ESRP1: variants seen among roughly 807,000 people sequenced by gnomAD.
The protein encoded by ESRP1 is RNA-binding motif protein 35A.
In ESRP1, 33 loss-of-function variants were observed where a neutral mutation model predicts 81.7. The ratio of observed to expected loss-of-function variants is 0.40; its 90% CI spans 0.31 to 0.54. ESRP1 has a LOEUF of 0.54. ESRP1 is among the 20% of genes least tolerant of loss of function. ESRP1 has a pLI of 0.41. For synonymous variants in ESRP1, 320 were observed against 303.3 expected (o/e 1.06, Z -0.57); for missense variants, 672 against 833.1 (o/e 0.81, Z 2.38).
chr8:94,678,549 G>T (rs1033218261), intron 13 of ESRP1, among the ~76,000 whole-genome samples, 178 bp downstream of exon 13: 4 of 152,230 alleles, frequency 2.6e-5, no homozygotes, highest in African/African-American at 9.6e-5. Context: ...AAGCAGTATA[G>T]TTTTTAACCA....
chr8:94,659,500 T>C (rs1378993832), intron 4 of ESRP1, among the ~76,000 whole-genome samples: 1 of 152,162 alleles, frequency 6.6e-6, no homozygotes, highest in Non-Finnish European at 1.5e-5. Context: ...AAACACAATA[T>C]TGAAATTAAG....
rs746769438 is a variant in ESRP1, at chr8:94,665,007, G to A, written c.836G>A (p.Arg279Gln). The A allele has an allele frequency of 5.0e-6, 8 of 1,612,902 alleles. No homozygotes were observed. Among genetic ancestry groups the A allele is most frequent in the African/African-American group, 1.3e-5 (1 of 74,536 alleles). ...ALVRFVSEEH[R>Q]DLALQRHKHH... The stretch of plus-strand genomic sequence containing the variant: ...GTTAGGTTTGTAAGTGAGGAGCACC[G>A]AGACCTAGCACTACAGAGGCACAAA... The change falls in exon 8 of 16, where the codon CGA (arginine) becomes CAA (glutamine). Residue 279 changes from arginine (R) to glutamine (Q), a missense_variant. By Grantham distance (43) the Arg-to-Gln change is conservative. Coordinates refer to ENST00000433389, the MANE Select transcript of ESRP1 (RefSeq NM_017697.4).
chr8:94,705,775 A>G, intron 15 of ESRP1, 150 bp from the exon 16 acceptor site: 2 of 679,920 alleles, frequency 2.9e-6, no homozygotes, highest in East Asian at 2.8e-5. Context: ...AATGCCAACT[A>G]TGTCTGTGTG....
At chr8:94,663,381 GAT>G (rs1818855183) in intron 6 of ESRP1, among the ~76,000 whole-genome samples, 1 of 152,244 alleles carries the variant, frequency 6.6e-6, no homozygotes, top group South Asian at 2.1e-4. Context: ...CAGTAGCTGG[GAT>G]TACAGATGTG....
chr8:94,641,631 G>T, intron 1 of ESRP1, 181 bp downstream of exon 1: 1 of 879,458 alleles, frequency 1.1e-6, no homozygotes, highest in Non-Finnish European at 1.7e-6. Context: ...CTGCCTTGGA[G>T]CCATTTCAGT....
chr8:94,651,475 A>G (rs1291986961), intron 4 of ESRP1, among the ~76,000 whole-genome samples: 1 of 152,152 alleles, frequency 6.6e-6, no homozygotes, highest in Non-Finnish European at 1.5e-5. Flanking sequence ...ACCCTGCTAC[A>G]CAGCAGCTTT....
At chr8:94,651,280 G>A (rs931917846) in intron 4 of ESRP1, among the ~76,000 whole-genome samples, 2 of 98,918 alleles carry the variant, frequency 2.0e-5, no homozygotes, top group South Asian at 3.3e-4. Context: ...TCTCACTTTT[G>A]CTCAGGCTGG....
At chr8:94,648,291 A>G (rs1306359591) in intron 4 of ESRP1, among the ~76,000 whole-genome samples, 1 of 152,166 alleles carries the variant, frequency 6.6e-6, no homozygotes, top group African/African-American at 2.4e-5. Flanking sequence ...ATGTTTTAAT[A>G]TTTAATATCG....
chr8:94,642,096 G>C lies in ESRP1; in HGVS notation c.261+12G>C, dbSNP rs745343404. 6.2e-7 allele frequency: 1 copy of C among 1,608,428 alleles called. No individual in the cohort carries two copies. The highest frequency in any genetic ancestry group is 8.5e-7 in the Non-Finnish European group (1 of 1,179,348). Reference sequence around the variant, plus strand: ...AAGCCCTCCGACAGGTGACAACCCCGGGTCACGCCACCCACCCCAGCCTGG... The same window carrying C: ...AAGCCCTCCGACAGGTGACAACCCCCGGTCACGCCACCCACCCCAGCCTGG... On this transcript the variant is annotated intron_variant, in intron 2 of 15. Transcript: ENST00000433389.
chr8:94,689,249 CA>C (rs56220336), intron 13 of ESRP1, among the ~76,000 whole-genome samples: 1,599 of 98,586 alleles, frequency 0.016, 3 homozygotes, highest in African/African-American at 0.025. Context: ...ACTCAGTCTC[CA>C]AAAAAAAAAA....
Position 94,706,704 on chromosome 8 carries a change from A to G in ESRP1, c.*815A>G, listed in dbSNP as rs1489516868. 3 of 152,580 alleles carry G rather than the reference A, an allele frequency of 2.0e-5. 1 individual carries two copies. Among genetic ancestry groups the G allele is most frequent in the South Asian group, 4.1e-4 (2 of 4,834 alleles). The allele number at this position is 152,580 out of a possible 1,614,324, so 9.5% of individuals were successfully genotyped here. On this transcript the variant is annotated 3_prime_UTR_variant, in exon 16 of 16. Coordinates refer to ENST00000433389, the MANE Select transcript of ESRP1 (RefSeq NM_017697.4). The stretch of plus-strand genomic sequence containing the variant: ...CTTCATATGTATTATTTTATATTGT[A>G]CTTTTTTCATTATTGATGGTTTGGA...
intron 13 of ESRP1, among the ~76,000 whole-genome samples, chr8:94,689,811 C>CTTTTTTTTTTTTTGTT (rs1809305437): frequency 1.5e-5 from 1 of 64,680 alleles, no homozygotes; most frequent in Non-Finnish European, 3.0e-5. Context: ...TGATGCCTGG[C>CTTTTTTTTTTTTTGTT]TTTTTTTTTT....
chr8:94,682,847 AATAT>A (rs1340891023), intron 13 of ESRP1, among the ~76,000 whole-genome samples: 4 of 139,410 alleles, frequency 2.9e-5, no homozygotes, highest in African/African-American at 1.1e-4. Context: ...CTAATGAATG[AATAT>A]ATATATGTGT....
chr8:94,674,599 T>C (rs1819499309), intron 12 of ESRP1, 93 bp downstream of exon 12: 5 of 1,127,960 alleles, frequency 4.4e-6, no homozygotes, highest in Non-Finnish European at 6.2e-6. Flanking sequence ...TGGTTCTTTC[T>C]GAGGCAGGTG....
chr8:94,702,890 C>A (rs1266709605), intron 15 of ESRP1, among the ~76,000 whole-genome samples: 1 of 152,130 alleles, frequency 6.6e-6, no homozygotes, highest in African/African-American at 2.4e-5. Context: ...TAGGTTCATT[C>A]TGTAGCATAT....
chr8:94,642,095 C>T lies in ESRP1; in HGVS notation c.261+11C>T, dbSNP rs778307753. The stretch of plus-strand genomic sequence containing the variant: ...CAAGCCCTCCGACAGGTGACAACCC[C>T]GGGTCACGCCACCCACCCCAGCCTG... On this transcript the variant is annotated intron_variant, in intron 2 of 15. Transcript: ENST00000433389. The T allele has an allele frequency of 5.6e-6, 9 of 1,608,278 alleles. No homozygotes were observed. The highest frequency in any genetic ancestry group is 7.6e-6 in the Non-Finnish European group (9 of 1,179,240).
intron 13 of ESRP1, among the ~76,000 whole-genome samples, chr8:94,679,450 T>G (rs781501062): frequency 2.0e-4 from 31 of 152,300 alleles, no homozygotes; most frequent in Admixed American, 8.5e-4. Context: ...ATGGAATCCT[T>G]GGTGTCTCTG....
At chr8:94,646,078 T>C in intron 3 of ESRP1, 90 bp from the exon 4 acceptor site, 1 of 652,682 alleles carries the variant, frequency 1.5e-6, no homozygotes, top group Non-Finnish European at 2.6e-6. Flanking sequence ...TTGTAAAATA[T>C]GCTTATATTC....
At chr8:94,700,061 C>A (rs551805025) in intron 15 of ESRP1, among the ~76,000 whole-genome samples, 1 of 152,094 alleles carries the variant, frequency 6.6e-6, no homozygotes, top group Non-Finnish European at 1.5e-5. Context: ...GAAATGAAAC[C>A]CAGAGAGGTT....
Sources: gnomAD v4.1 joint callset for allele counts (sites outside exome capture counted in the v4.1 genomes callset) on GRCh38, gnomAD v4.1.1 for gene constraint, MANE v1.5 for transcripts, NCBI Gene and HGNC (gene_info 2026-07-23, HGNC 2026-07-21) for gene names.